TBC1D5: variants seen among roughly 807,000 people sequenced by gnomAD.
TBC1D5 encodes TBC1 domain family member 5, also known as TBC1 domain family, member 5.
A neutral mutation model predicts 100.3 loss-of-function variants in TBC1D5; 75 were observed. The ratio of observed to expected loss-of-function variants is 0.75; its 90% CI spans 0.62 to 0.91. TBC1D5 has a LOEUF of 0.91. TBC1D5 is among the 40% of genes least tolerant of loss of function. The pLI, the probability that TBC1D5 is intolerant of heterozygous loss-of-function variation, is 0.00. For synonymous variants in TBC1D5, 323 were observed against 325.6 expected (o/e 0.99, Z 0.09); for missense variants, 910 against 942.4 (o/e 0.97, Z 0.45).
At chr3:17,279,606 T>C (rs1370374397) in intron 15 of TBC1D5, among the ~76,000 whole-genome samples, 2 of 152,254 alleles carry the variant, frequency 1.3e-5, no homozygotes, top group Non-Finnish European at 2.9e-5. Flanking sequence ...TCACTGTGCA[T>C]GTACATACTC....
At chr3:17,294,005 C>A (rs148124580) in intron 14 of TBC1D5, among the ~76,000 whole-genome samples, 1 of 152,190 alleles carries the variant, frequency 6.6e-6, no homozygotes. Flanking sequence ...AGATTGGAAA[C>A]CCAAAAGTCT....
At chr3:17,403,095 A>T in intron 8 of TBC1D5, 86 bp downstream of exon 8, 1 of 1,127,612 alleles carries the variant, frequency 8.9e-7, no homozygotes, top group Non-Finnish European at 1.3e-6. Flanking sequence ...AATTAAGTTG[A>T]CTGCAGATTT....
At chr3:17,605,800 G>A (rs2061302230) in intron 2 of TBC1D5, among the ~76,000 whole-genome samples, 1 of 152,076 alleles carries the variant, frequency 6.6e-6, no homozygotes, top group South Asian at 2.1e-4. Flanking sequence ...TAAAGACTTT[G>A]TTAATATCCA....
intron 18 of TBC1D5, among the ~76,000 whole-genome samples, chr3:17,187,127 T>C (rs1164133755): frequency 1.3e-5 from 2 of 152,218 alleles, no homozygotes; most frequent in African/African-American, 4.8e-5. Flanking sequence ...TTAATAATGA[T>C]TGAGGTTAGT....
chr3:17,433,225 A>G (rs944446090), intron 3 of TBC1D5, among the ~76,000 whole-genome samples: 1 of 152,232 alleles, frequency 6.6e-6, no homozygotes, highest in African/African-American at 2.4e-5. Flanking sequence ...CTACTTTAGA[A>G]GAAGCAGCGG....
At chr3:17,653,606 A>C (rs2065791529) in intron 1 of TBC1D5, among the ~76,000 whole-genome samples, 1 of 152,166 alleles carries the variant, frequency 6.6e-6, no homozygotes, top group Non-Finnish European at 1.5e-5. Flanking sequence ...ACTAAATGTA[A>C]TGTAGATTTC....
At chr3:17,567,587 C>T (rs888704766) in intron 2 of TBC1D5, among the ~76,000 whole-genome samples, 11 of 151,650 alleles carry the variant, frequency 7.3e-5, no homozygotes, top group African/African-American at 2.7e-4. Context: ...ATATGTGAAG[C>T]GACTTCCTGA....
intron 3 of TBC1D5, among the ~76,000 whole-genome samples, chr3:17,493,892 G>A (rs1263528992): frequency 6.6e-6 from 1 of 152,160 alleles, no homozygotes. Flanking sequence ...GCTCAGCGAA[G>A]TTCACTGTTA....
At chr3:17,279,453 G>C (rs2080349608) in intron 15 of TBC1D5, among the ~76,000 whole-genome samples, 1 of 152,192 alleles carries the variant, frequency 6.6e-6, no homozygotes, top group Admixed American at 6.5e-5. Flanking sequence ...ATGACTGGCT[G>C]ACAAACATGG....
At chr3:17,352,799 A>G (rs2090784944) in intron 13 of TBC1D5, among the ~76,000 whole-genome samples, 1 of 151,826 alleles carries the variant, frequency 6.6e-6, no homozygotes, top group Non-Finnish European at 1.5e-5. Flanking sequence ...CCTGTTTTCC[A>G]GAAATATGAG....
intron 13 of TBC1D5, among the ~76,000 whole-genome samples, chr3:17,364,098 G>GA (rs1274776740): frequency 6.6e-6 from 1 of 151,312 alleles, no homozygotes; most frequent in Non-Finnish European, 1.5e-5. Flanking sequence ...TGTCTTCACT[G>GA]ATATTCTTAC....
chr3:17,716,947 G>A (rs1396312418), intron 1 of TBC1D5, among the ~76,000 whole-genome samples: 5 of 152,152 alleles, frequency 3.3e-5, no homozygotes, highest in Non-Finnish European at 7.4e-5. Flanking sequence ...GACTTTGGAA[G>A]AATTAGATTT....
chr3:17,242,115 G>A (rs2076356528), intron 16 of TBC1D5, among the ~76,000 whole-genome samples: 1 of 152,094 alleles, frequency 6.6e-6, no homozygotes, highest in Non-Finnish European at 1.5e-5. Context: ...TTGCAGCCTG[G>A]CTTTCTGACC....
intron 2 of TBC1D5, among the ~76,000 whole-genome samples, chr3:17,612,042 C>T (rs1224539118): frequency 2.0e-5 from 3 of 151,976 alleles, no homozygotes; most frequent in Non-Finnish European, 4.4e-5. Flanking sequence ...GTGGCTCACC[C>T]CTAATCCTAG....
At chr3:17,568,463 TAAAA>T (rs1297321073) in intron 2 of TBC1D5, among the ~76,000 whole-genome samples, 4 of 151,530 alleles carry the variant, frequency 2.6e-5, no homozygotes, top group African/African-American at 9.6e-5. Context: ...ATTTTACTAA[TAAAA>T]GAACTAATTT....
At chr3:17,548,927 GA>G (rs2096446515) in intron 2 of TBC1D5, among the ~76,000 whole-genome samples, 1 of 152,140 alleles carries the variant, frequency 6.6e-6, no homozygotes, top group African/African-American at 2.4e-5. Context: ...TTTACCTATT[GA>G]AAATTATTTT....
intron 15 of TBC1D5, among the ~76,000 whole-genome samples, chr3:17,288,612 T>A (rs1335724322): frequency 6.6e-6 from 1 of 152,056 alleles, no homozygotes; most frequent in Admixed American, 6.6e-5. Context: ...CAGCACACAC[T>A]CCCCATTCTG....
In TBC1D5 at chr3:17,371,952, G is replaced by A. The variant is rs548124090; in HGVS notation, c.995+123C>T. ...CTTGGGAAGCTGAGATGGGAGGATC[G>A]CTTGAGCCCAGGGGGCAGAGTTTGC... is the stretch of plus-strand genomic sequence containing the variant. On this transcript the variant is annotated intron_variant, in intron 13 of 21. Transcript: ENST00000253692. 8.9e-5 allele frequency: 75 copies of A among 847,080 alleles called. 1 individual carries two copies. The East Asian group carries it at 1.3e-3, about 15-fold the overall frequency. The allele number at this position is 847,080 out of a possible 1,614,324, so 52.5% of individuals were successfully genotyped here.
At chr3:17,462,253 C>T (rs1258046222) in intron 3 of TBC1D5, among the ~76,000 whole-genome samples, 3 of 151,348 alleles carry the variant, frequency 2.0e-5, no homozygotes, top group Non-Finnish European at 4.4e-5. Context: ...GAGAAGAGGA[C>T]GTAGTGCCAC....
Sources: gnomAD v4.1 joint callset for allele counts (sites outside exome capture counted in the v4.1 genomes callset) on GRCh38, gnomAD v4.1.1 for gene constraint, MANE v1.5 for transcripts, NCBI Gene and HGNC (gene_info 2026-07-23, HGNC 2026-07-21) for gene names.